Variants in FMNL2 observed in about 807,000 individuals in gnomAD.
FMNL2 encodes the protein formin like 2.
Under a neutral mutation model 130.2 loss-of-function variants are expected in FMNL2, and 51 were observed. That is an observed-to-expected ratio of 0.39 (90% CI 0.31 to 0.49). The LOEUF is 0.49. Ranked by LOEUF, FMNL2 falls within the 20% of genes least tolerant of loss-of-function variation. FMNL2 has a pLI of 0.85. For missense variants in FMNL2, 977 were observed against 1,316.2 expected (o/e 0.74, Z 3.99); for synonymous variants, 465 against 467.1 (o/e 1.00, Z 0.06).
chr2:152,546,633 G>A (rs1281951968), intron 3 of FMNL2, among the ~76,000 whole-genome samples: 1 of 152,214 alleles, frequency 6.6e-6, no homozygotes, highest in African/African-American at 2.4e-5. Flanking sequence ...AGTCAGAAGT[G>A]CACATAACAC....
chr2:152,586,531 TA>T (rs1424636783), intron 9 of FMNL2, among the ~76,000 whole-genome samples: 1 of 152,194 alleles, frequency 6.6e-6, no homozygotes, highest in Non-Finnish European at 1.5e-5. Flanking sequence ...TATAGGATTG[TA>T]AATCTAGCAT....
At chr2:152,490,222 C>A (rs970775773) in intron 1 of FMNL2, among the ~76,000 whole-genome samples, 1 of 149,424 alleles carries the variant, frequency 6.7e-6, no homozygotes, top group African/African-American at 2.5e-5. Context: ...TAGAAGTGAG[C>A]ATGAGGCCAG....
chr2:152,619,552 G>GCCACCCCCCCCCCCC lies in FMNL2; in HGVS notation c.1673_1674insACCCCCCCCCCCCCC (p.Pro569_Pro573dup), dbSNP rs5835439. The GCCACCCCCCCCCCCC allele has an allele frequency of 1.3e-5, 19 of 1,417,732 alleles. No homozygotes were observed. Among genetic ancestry groups the GCCACCCCCCCCCCCC allele is most frequent in the South Asian group, 5.1e-5 (4 of 79,018 alleles). The allele number at this position is 1,417,732 out of a possible 1,614,324, so 87.8% of individuals were successfully genotyped here. A position where few individuals can be genotyped will look rare whatever the true frequency, so the allele number is the denominator to read the frequency against. On this transcript the variant is annotated inframe_insertion, in exon 15 of 26. Transcript: ENST00000288670. ...CACCACCTATGCCACCGCCGCCGCCGCCCCCTCCTCCACCTCCTCCTCCCC... is the reference window on the plus strand; with the variant it reads ...CACCACCTATGCCACCGCCGCCGCCGCCACCCCCCCCCCCCCCCCCTCCTCCACCTCCTCCTCCCC...
chr2:152,434,783 C>A (rs540357095), intron 1 of FMNL2, among the ~76,000 whole-genome samples: 1 of 152,104 alleles, frequency 6.6e-6, no homozygotes, highest in Non-Finnish European at 1.5e-5. Flanking sequence ...TGCTACTTTG[C>A]GGAAGCTTAA....
rs753436908 is a variant in FMNL2, at chr2:152,636,505, A to G, written c.2759A>G (p.His920Arg). Residue 920 changes from histidine to arginine, a missense_variant, in exon 22 of 26, where the codon CAT (histidine) becomes CGT (arginine). Around this residue, in one of 4 missense-constraint regions of FMNL2, gnomAD observed 689 missense variants for 995.9 expected, o/e 0.69. Coordinates refer to ENST00000288670, the MANE Select transcript of FMNL2 (RefSeq NM_052905.4). ...TTGACCAAGAGAGAGTACACCATGCATGACCATAACACGCTGCTGAAGGAG... is the reference window on the plus strand; with the variant it reads ...TTGACCAAGAGAGAGTACACCATGCGTGACCATAACACGCTGCTGAAGGAG... Reference protein sequence around the residue: ...MDLTKREYTMHDHNTLLKEFI... With the variant: ...MDLTKREYTMRDHNTLLKEFI... The G allele has an allele frequency of 5.6e-6, 9 of 1,608,946 alleles. No individual in the cohort carries two copies. Among genetic ancestry groups the G allele is most frequent in the East Asian group, 2.2e-5 (1 of 44,764 alleles).
rs768573791 is a variant in FMNL2 at position 152,636,413 on chromosome 2, T to C, written c.2681-14T>C. 1 of 1,605,646 alleles carries C rather than the reference T, an allele frequency of 6.2e-7. No individual in the cohort carries two copies. The highest frequency in any genetic ancestry group is 8.5e-7 in the Non-Finnish European group (1 of 1,175,412). ...CCCATTGAGTTTCACTGGGATGTTC[T>C]TTCTCTGCTTTAGTCTCCCTTGAGA... On this transcript the variant is annotated splice_polypyrimidine_tract_variant and intron_variant, in intron 21 of 25. Coordinates refer to ENST00000288670, the MANE Select transcript of FMNL2 (RefSeq NM_052905.4).
intron 8 of FMNL2, among the ~76,000 whole-genome samples, chr2:152,579,553 C>G (rs777122441): frequency 6.6e-6 from 1 of 152,014 alleles, no homozygotes; most frequent in Non-Finnish European, 1.5e-5. Flanking sequence ...AAAAAATTAG[C>G]CAGACATGGT....
At chr2:152,534,945 G>A (rs966015266) in intron 2 of FMNL2, among the ~76,000 whole-genome samples, 2 of 152,142 alleles carry the variant, frequency 1.3e-5, no homozygotes, top group Non-Finnish European at 2.9e-5. Flanking sequence ...CAGAGCTGAA[G>A]AATGTTTTGA....
intron 2 of FMNL2, among the ~76,000 whole-genome samples, chr2:152,531,516 C>T (rs1218892530): frequency 6.6e-6 from 1 of 151,742 alleles, no homozygotes; most frequent in Non-Finnish European, 1.5e-5. Flanking sequence ...GGTCTGTCAC[C>T]CAGGCTGGAG....
intron 2 of FMNL2, among the ~76,000 whole-genome samples, chr2:152,527,262 T>C (rs1456894142): frequency 6.6e-6 from 1 of 152,180 alleles, no homozygotes; most frequent in Admixed American, 6.6e-5. Flanking sequence ...GGTTGTCCCA[T>C]CATTAAATAA....
In FMNL2 at chr2:152,375,877, C is replaced by CTCTATATATATATATATATATATA. The variant is rs796954245; in HGVS notation, c.117+40158_117+40159insCTATATATATATATATATATATAT. Among the ~76,000 whole-genome samples the CTCTATATATATATATATATATATA allele has an allele frequency of 8.9e-5, 10 of 112,482 alleles. No individual in the cohort carries two copies. The East Asian group carries it at 3.8e-3, about 43-fold the overall frequency. The allele number at this position is 112,482 out of a possible 152,430, so 73.8% of individuals were successfully genotyped here. A position where few individuals can be genotyped will look rare whatever the true frequency, so the allele number is the denominator to read the frequency against. On this transcript the variant is annotated intron_variant, in intron 1 of 25. Transcript: ENST00000288670. ...TCTCTCTCTCTCTCTCTCTCTCTCT[C>CTCTATATATATATATATATATATA]TATATATATATATATATATAATTAT...
intron 1 of FMNL2, among the ~76,000 whole-genome samples, chr2:152,375,873 C>CTATATATATATA (rs1235599536): frequency 8.8e-5 from 10 of 113,826 alleles, no homozygotes; most frequent in Admixed American, 3.0e-4. Flanking sequence ...CTCTCTCTCT[C>CTATATATATATA]TCTCTATATA....
At chr2:152,504,893 T>C (rs1476464569) in intron 1 of FMNL2, among the ~76,000 whole-genome samples, 1 of 152,210 alleles carries the variant, frequency 6.6e-6, no homozygotes, top group Admixed American at 6.5e-5. Flanking sequence ...CTGTCATTCA[T>C]GTTCATCTTA....
chr2:152,424,175 A>G (rs1687056083), intron 1 of FMNL2, among the ~76,000 whole-genome samples: 2 of 152,120 alleles, frequency 1.3e-5, no homozygotes, highest in African/African-American at 4.8e-5. Context: ...GTTTTTGTTT[A>G]GCATTCCCCT....
intron 1 of FMNL2, among the ~76,000 whole-genome samples, chr2:152,486,046 G>T (rs954367834): frequency 6.6e-6 from 1 of 152,136 alleles, no homozygotes. Context: ...CAGAACTTGG[G>T]TATCTTGAGG....
rs12992391 is a variant in FMNL2, at chr2:152,363,572, T to A, written c.117+27852T>A. Among the ~76,000 whole-genome samples the A allele has an allele frequency of 7.6e-5, 11 of 144,624 alleles. No homozygotes were observed. The South Asian group carries it at 1.1e-3, about 14-fold the overall frequency. 94.9% of individuals were successfully genotyped at this position (144,624 alleles called of 152,430 possible). On this transcript the variant is annotated intron_variant, in intron 1 of 25. Coordinates refer to ENST00000288670, the MANE Select transcript of FMNL2 (RefSeq NM_052905.4). ...GAGTTTTTTTCTTTTCTTTTTTTTT[T>A]CCCCCCCAAGACAGAGTCTCGCTCT...
chr2:152,374,496 A>G (rs1487748736), intron 1 of FMNL2, among the ~76,000 whole-genome samples: 1 of 152,198 alleles, frequency 6.6e-6, no homozygotes, highest in East Asian at 1.9e-4. Context: ...GGAAGGTGAT[A>G]TTGAACCAGT....
In FMNL2 at chr2:152,589,871, G is replaced by A. The variant is rs557952305; in HGVS notation, c.876+8822G>A. On this transcript the variant is annotated intron_variant, in intron 9 of 25. Coordinates refer to ENST00000288670, the MANE Select transcript of FMNL2 (RefSeq NM_052905.4). Reference sequence around the variant, plus strand: ...TCACTCCTGGACCTCCTGGGCTCAAGTGGTCCTCCCACCTCAGCCTCCTGA... The same window carrying A: ...TCACTCCTGGACCTCCTGGGCTCAAATGGTCCTCCCACCTCAGCCTCCTGA... Among the ~76,000 whole-genome samples the A allele has an allele frequency of 2.8e-3, 420 of 148,356 alleles. 2 individuals are homozygous for A. Among genetic ancestry groups the A allele is most frequent in the Middle Eastern group, 7.0e-3 (2 of 284 alleles).
chr2:152,616,520 T>TG (rs1698959955), intron 12 of FMNL2, among the ~76,000 whole-genome samples: 4 of 151,844 alleles, frequency 2.6e-5, no homozygotes, highest in Non-Finnish European at 5.9e-5. Context: ...TTAGTAGAGA[T>TG]GGGGTTTCAC....
Sources: allele counts gnomAD v4.1 joint callset (sites outside exome capture counted in the v4.1 genomes callset), GRCh38; gene constraint gnomAD v4.1.1; regional missense constraint gnomAD v4.1.1; transcripts MANE v1.5; gene names NCBI Gene and HGNC (gene_info 2026-07-23, HGNC 2026-07-21).